CFAP90: variants seen among roughly 807,000 people sequenced by gnomAD.
CFAP90 encodes cilia and flagella associated protein 90, also known as cilia- and flagella-associated protein 90.
chr5:7,831,770 G>T, the CFAP90 span: 5 of 1,380,916 alleles, frequency 3.6e-6, no homozygotes, highest in Non-Finnish European at 4.0e-6. Context: ...GGGAAAGGAG[G>T]CTCCAGATGC....
At chr5:7,836,505 CATACCATGGGCT>C in the CFAP90 span, among the ~76,000 whole-genome samples, 1 of 152,134 alleles carries the variant, frequency 6.6e-6, no homozygotes, top group East Asian at 1.9e-4. Context: ...ATTACCCCAC[CATACCATGGGCT>C]ACAGATGCTT....
the CFAP90 span, among the ~76,000 whole-genome samples, chr5:7,836,590 A>G: frequency 6.6e-6 from 1 of 152,192 alleles, no homozygotes; most frequent in Non-Finnish European, 1.5e-5. Flanking sequence ...GGGAGGTAGT[A>G]AGTTATTTTT....
At chr5:7,850,898 T>C in the CFAP90 span, 1 of 1,355,508 alleles carries the variant, frequency 7.4e-7, no homozygotes, top group Non-Finnish European at 9.5e-7. Flanking sequence ...TAGTAGTAGC[T>C]GTGCTCTTTG....
the CFAP90 span, chr5:7,831,748 C>T: frequency 3.4e-5 from 39 of 1,136,204 alleles, 1 homozygote; most frequent in South Asian, 4.4e-5. Context: ...AGCTCCTAGG[C>T]GTCATGAGAA....
At chr5:7,842,984 T>C in the CFAP90 span, among the ~76,000 whole-genome samples, 2 of 152,176 alleles carry the variant, frequency 1.3e-5, no homozygotes, top group Non-Finnish European at 2.9e-5. Flanking sequence ...CCATAGCACA[T>C]CCTAGCCCAC....
At chr5:7,849,475 T>G in the CFAP90 span, among the ~76,000 whole-genome samples, 1 of 152,202 alleles carries the variant, frequency 6.6e-6, no homozygotes, top group East Asian at 1.9e-4. Flanking sequence ...TAGAAAGACC[T>G]GTCCCAGTTA....
the CFAP90 span, among the ~76,000 whole-genome samples, chr5:7,836,183 C>T: frequency 6.6e-6 from 1 of 152,172 alleles, no homozygotes; most frequent in Non-Finnish European, 1.5e-5. Flanking sequence ...TGGGGAGACA[C>T]AAACATTCAG....
At chr5:7,837,695 A>G in the CFAP90 span, among the ~76,000 whole-genome samples, 1 of 152,218 alleles carries the variant, frequency 6.6e-6, no homozygotes, top group Admixed American at 6.5e-5. Context: ...GGGAATTTAG[A>G]AGATAACTCA....
At chr5:7,841,748 TCTTA>T in the CFAP90 span, among the ~76,000 whole-genome samples, 1 of 152,160 alleles carries the variant, frequency 6.6e-6, no homozygotes, top group African/African-American at 2.4e-5. Flanking sequence ...TCCCGCATGT[TCTTA>T]CTTACAAGTG....
chr5:7,846,380 T>C, the CFAP90 span, among the ~76,000 whole-genome samples: 1 of 152,340 alleles, frequency 6.6e-6, no homozygotes, highest in Admixed American at 6.5e-5. Flanking sequence ...CAGATGCTTA[T>C]TTCTCAAGGT....
chr5:7,848,406 G>A, the CFAP90 span, among the ~76,000 whole-genome samples: 54 of 152,278 alleles, frequency 3.5e-4, no homozygotes, highest in African/African-American at 1.2e-3. Context: ...CCTGGGAGCA[G>A]GCTGAGGTTT....
At chr5:7,850,919 G>T in the CFAP90 span, 1 of 1,359,822 alleles carries the variant, frequency 7.4e-7, no homozygotes, top group South Asian at 2.4e-5. Flanking sequence ...GGGTCCAGGC[G>T]CCGCGGCGGG....
chr5:7,848,711 A>G, the CFAP90 span, among the ~76,000 whole-genome samples: 1 of 152,160 alleles, frequency 6.6e-6, no homozygotes, highest in Non-Finnish European at 1.5e-5. Flanking sequence ...CCGTCTGGAG[A>G]TAATTGAATC....
chr5:7,833,614 C>CATACATATACACACATAT, the CFAP90 span, among the ~76,000 whole-genome samples: 1 of 151,962 alleles, frequency 6.6e-6, no homozygotes, highest in Non-Finnish European at 1.5e-5. Context: ...CATATCTGTA[C>CATACATATACACACATAT]ATACATGTAC....
the CFAP90 span, among the ~76,000 whole-genome samples, chr5:7,840,971 C>G: frequency 6.6e-6 from 1 of 152,002 alleles, no homozygotes; most frequent in Non-Finnish European, 1.5e-5. Context: ...GGCTGAATTG[C>G]AACAAAGCAA....
At chr5:7,832,951 T>C in the CFAP90 span, among the ~76,000 whole-genome samples, 2 of 152,198 alleles carry the variant, frequency 1.3e-5, no homozygotes, top group African/African-American at 4.8e-5. Flanking sequence ...GTAACTAAAC[T>C]TGGAAGAAAT....
chr5:7,847,842 C>T, the CFAP90 span, among the ~76,000 whole-genome samples: 3 of 152,194 alleles, frequency 2.0e-5, no homozygotes, highest in African/African-American at 7.2e-5. Context: ...CCGCCTTTCC[C>T]TAGGCAGTAG....
chr5:7,833,361 TCACACATATATA>T, the CFAP90 span, among the ~76,000 whole-genome samples: 1 of 139,044 alleles, frequency 7.2e-6, no homozygotes, highest in Non-Finnish European at 1.6e-5. Flanking sequence ...ATACATGTAT[TCACACATATATA>T]CACACATAAT....
At chr5:7,844,510 T>C in the CFAP90 span, among the ~76,000 whole-genome samples, 1 of 152,152 alleles carries the variant, frequency 6.6e-6, no homozygotes, top group Non-Finnish European at 1.5e-5. Flanking sequence ...TAAAGGTAAA[T>C]CATTGTCCTC....
Sources: gnomAD v4.1 joint callset for allele counts (sites outside exome capture counted in the v4.1 genomes callset) on GRCh38, gnomAD v4.1.1 for gene constraint, MANE v1.5 for transcripts, NCBI Gene and HGNC (gene_info 2026-07-23, HGNC 2026-07-21) for gene names.